Variants in LGR5 observed in about 807,000 individuals in gnomAD.
LGR5 encodes the protein leucine rich repeat containing G protein-coupled receptor 5.
LGR5 carries 54 observed loss-of-function variants against 76.7 expected under a neutral mutation model. That is an observed-to-expected ratio of 0.70 (90% confidence interval 0.57 to 0.88). LGR5 has a LOEUF of 0.88. LGR5 is among the 40% of genes least tolerant of loss of function. The pLI, the probability that LGR5 is intolerant of heterozygous loss-of-function variation, is 0.00. For missense variants in LGR5, 1,078 were observed against 1,073.3 expected (o/e 1.00, Z -0.06); for synonymous variants, 406 against 421.9 (o/e 0.96, Z 0.46).
At position 71,512,472 on chromosome 12, in the gene LGR5, C is replaced by G. The variant is rs991208219; in HGVS notation, c.284+7787C>G. Among the ~76,000 whole-genome samples the G allele has an allele frequency of 3.9e-5, 6 of 152,172 alleles. No homozygotes were observed. The East Asian group carries it at 5.8e-4, about 15-fold the overall frequency. On this transcript the variant is annotated intron_variant, in intron 2 of 17. Transcript: ENST00000266674. ...ATATGCATTAGAATCGCCTAGCACACTTTTTAAAGCTACTAATGACCAGCG... is the reference window on the plus strand; with the variant it reads ...ATATGCATTAGAATCGCCTAGCACAGTTTTTAAAGCTACTAATGACCAGCG...
chr12:71,530,069 A>G (rs1244481945), intron 3 of LGR5, among the ~76,000 whole-genome samples: 1 of 152,102 alleles, frequency 6.6e-6, no homozygotes, highest in Non-Finnish European at 1.5e-5. Flanking sequence ...ATCTTACTAT[A>G]AATTACTTTT....
At chr12:71,481,809 AT>A (rs907416318) in intron 1 of LGR5, among the ~76,000 whole-genome samples, 4 of 151,654 alleles carry the variant, frequency 2.6e-5, no homozygotes, top group East Asian at 1.9e-4. Context: ...CTTTTAGAAG[AT>A]TTTTTTTTGA....
At chr12:71,485,996 C>T (rs1340493110) in intron 1 of LGR5, among the ~76,000 whole-genome samples, 1 of 152,076 alleles carries the variant, frequency 6.6e-6, no homozygotes, top group Admixed American at 6.6e-5. Context: ...GAACTCCTGA[C>T]CTTGTGATCC....
intron 1 of LGR5, among the ~76,000 whole-genome samples, chr12:71,476,566 G>A (rs1005979229): frequency 1.3e-5 from 2 of 152,148 alleles, no homozygotes; most frequent in African/African-American, 4.8e-5. Context: ...GATATAAAAC[G>A]CCAAAGTTAA....
rs556356345 is a variant in LGR5 at position 71,533,218 on chromosome 12, G to A, written c.357-1897G>A. ...AAATTAGCCGGGCACGGTGATGCAT[G>A]CCTGTAGTCCCAGCTACTCGGGAGG... is the stretch of plus-strand genomic sequence containing the variant. On this transcript the variant is annotated intron_variant, in intron 3 of 17. Transcript: ENST00000266674. 5.3e-5 allele frequency among the ~76,000 whole-genome samples: 8 copies of A among 152,164 alleles called. No homozygotes were observed. In the East Asian group the frequency reaches 1.5e-3, roughly 29 times the overall value.
At chr12:71,549,643 A>G (rs904615354) in intron 4 of LGR5, among the ~76,000 whole-genome samples, 1 of 152,216 alleles carries the variant, frequency 6.6e-6, no homozygotes, top group Non-Finnish European at 1.5e-5. Context: ...GAGTGTGAAC[A>G]ATATACCTGA....
intron 11 of LGR5, among the ~76,000 whole-genome samples, chr12:71,570,571 T>G (rs1162138422): frequency 6.6e-6 from 1 of 152,158 alleles, no homozygotes; most frequent in African/African-American, 2.4e-5. Flanking sequence ...TATTTGTGCA[T>G]AGGTGTGAGA....
At chr12:71,520,504 T>C (rs1875672133) in intron 2 of LGR5, among the ~76,000 whole-genome samples, 1 of 152,180 alleles carries the variant, frequency 6.6e-6, no homozygotes, top group Admixed American at 6.5e-5. Context: ...TGTGAATACA[T>C]ATAATGCTAC....
intron 4 of LGR5, among the ~76,000 whole-genome samples, chr12:71,551,694 A>G (rs1400890285): frequency 6.6e-6 from 1 of 152,180 alleles, no homozygotes; most frequent in African/African-American, 2.4e-5. Context: ...GCCACTGTTT[A>G]TGTTGGACTG....
chr12:71,555,853 T>C (rs1425781755), intron 5 of LGR5, among the ~76,000 whole-genome samples: 1 of 152,206 alleles, frequency 6.6e-6, no homozygotes, highest in African/African-American at 2.4e-5. Context: ...GAAATCATTC[T>C]ATTATAAAGA....
In LGR5 at chr12:71,564,002, A is replaced by T. The variant is rs1337886786; in HGVS notation, c.857+2150A>T. Among the ~76,000 whole-genome samples, 7 of 37,058 alleles carry T rather than the reference A, an allele frequency of 1.9e-4. No individual in the cohort carries two copies. In the Admixed American group the frequency reaches 2.4e-3, roughly 13 times the overall value. The allele number at this position is 37,058 out of a possible 152,430, so 24.3% of individuals were successfully genotyped here. On this transcript the variant is annotated intron_variant, in intron 8 of 17. Transcript: ENST00000266674. ...ACTGTGTATATATGCATATATACGT[A>T]TCTGTACACACGCACCGTGTATATA...
rs1875728971 is a variant in LGR5, at chr12:71,521,564, A to C, written c.285-2842A>C. Reference sequence around the variant, plus strand: ...TAAGGAGGTGATACAGGTGTTTCACATATCACTTTTGATCACAGTTGAGTT... The same window carrying C: ...TAAGGAGGTGATACAGGTGTTTCACCTATCACTTTTGATCACAGTTGAGTT... On this transcript the variant is annotated intron_variant, in intron 2 of 17. Transcript: ENST00000266674. Among the ~76,000 whole-genome samples, 3 of 152,256 alleles carry C rather than the reference A, an allele frequency of 2.0e-5. No homozygotes were observed. The South Asian group carries it at 6.2e-4, about 31-fold the overall frequency.
intron 1 of LGR5, among the ~76,000 whole-genome samples, chr12:71,464,409 A>G (rs921170443): frequency 6.6e-6 from 1 of 152,202 alleles, no homozygotes; most frequent in Non-Finnish European, 1.5e-5. Flanking sequence ...CTACAAGTGA[A>G]ATATACAATC....
At chr12:71,441,109 A>G (rs887034190) in intron 1 of LGR5, among the ~76,000 whole-genome samples, 6 of 152,112 alleles carry the variant, frequency 3.9e-5, no homozygotes, top group Admixed American at 3.3e-4. Context: ...GAAGCTCTCT[A>G]TCATCCCTGG....
At position 71,482,914 on chromosome 12, in the gene LGR5, A is replaced by G. The variant is rs117753538; in HGVS notation, c.213-21700A>G. On this transcript the variant is annotated intron_variant, in intron 1 of 17. Coordinates refer to ENST00000266674, the MANE Select transcript of LGR5 (RefSeq NM_003667.4). ...GGACTCTGCAAATATCCATCTTCAT[A>G]TATCACACACACAAACAATATTTCT... 5.4e-3 allele frequency among the ~76,000 whole-genome samples: 821 copies of G among 152,322 alleles called. 6 individuals are homozygous for G. Among genetic ancestry groups the G allele is most frequent in the Admixed American group, 9.9e-3 (151 of 15,294 alleles).
rs143083203 is a variant in LGR5, at chr12:71,502,517, A to G, written c.213-2097A>G. On this transcript the variant is annotated intron_variant, in intron 1 of 17. Coordinates refer to ENST00000266674, the MANE Select transcript of LGR5 (RefSeq NM_003667.4). ...CCAGCCAGGTACTTTCCTTTTTAAGAAAAGAATTAAGTCACTCCCTTTTGA... is the reference window on the plus strand; with the variant it reads ...CCAGCCAGGTACTTTCCTTTTTAAGGAAAGAATTAAGTCACTCCCTTTTGA... 1.6e-3 allele frequency among the ~76,000 whole-genome samples: 248 copies of G among 152,278 alleles called. 3 individuals carry two copies. In the East Asian group the frequency reaches 0.025, roughly 15 times the overall value.
intron 13 of LGR5, among the ~76,000 whole-genome samples, chr12:71,575,340 G>A: frequency 6.6e-6 from 1 of 152,128 alleles, no homozygotes; most frequent in Admixed American, 6.5e-5. Context: ...AGAAACAGAA[G>A]TCATTTAAGA....
At chr12:71,492,023 G>T (rs1874097775) in intron 1 of LGR5, among the ~76,000 whole-genome samples, 1 of 151,902 alleles carries the variant, frequency 6.6e-6, no homozygotes, top group South Asian at 2.1e-4. Flanking sequence ...TCCTTGGATT[G>T]CCTCTAACTT....
At chr12:71,480,724 G>A (rs1383265959) in intron 1 of LGR5, among the ~76,000 whole-genome samples, 1 of 152,160 alleles carries the variant, frequency 6.6e-6, no homozygotes, top group Non-Finnish European at 1.5e-5. Context: ...ATTAGGACTG[G>A]ACCATGGAGA....
Sources: allele counts gnomAD v4.1 joint callset (sites outside exome capture counted in the v4.1 genomes callset), GRCh38; gene constraint gnomAD v4.1.1; transcripts MANE v1.5; gene names NCBI Gene and HGNC (gene_info 2026-07-23, HGNC 2026-07-21).